Variants in GPHN observed in about 807,000 individuals in gnomAD.
GPHN encodes gephyrin.
In GPHN, 17 loss-of-function variants were observed where a neutral mutation model predicts 95.5. The ratio of observed to expected loss-of-function variants is 0.18; its 90% CI spans 0.12 to 0.27. The LOEUF is 0.27. Among genes scored for constraint, GPHN ranks in the 10% least tolerant of loss-of-function variants. The pLI, the probability that GPHN is intolerant of heterozygous loss-of-function variation, is 1.00. For synonymous variants in GPHN, 320 were observed against 322.5 expected, an observed-to-expected ratio of 0.99 and a Z score of 0.08; for missense variants, 660 against 978.1, an observed-to-expected ratio of 0.67 and a Z score of 4.34.
At chr14:67,657,748 TTTC>T in the GPHN span, among the ~76,000 whole-genome samples, 1 of 125,484 alleles carries the variant, frequency 8.0e-6, no homozygotes, top group African/African-American at 3.0e-5. Context: ...ATTTTCTTTC[TTTC>T]TTTTTTTTTT....
intron 4 of GPHN, among the ~76,000 whole-genome samples, chr14:66,877,232 T>C (rs1193580118): frequency 6.6e-6 from 1 of 152,172 alleles, no homozygotes; most frequent in Non-Finnish European, 1.5e-5. Context: ...TGATGGAACG[T>C]ATCTCAAAAT....
chr14:67,001,678 T>C (rs984005757), intron 9 of GPHN, among the ~76,000 whole-genome samples: 3 of 151,762 alleles, frequency 2.0e-5, no homozygotes, highest in African/African-American at 4.8e-5. Context: ...AAATGAACTT[T>C]GTTGCCACGT....
At chr14:67,661,022 T>C in the GPHN span, among the ~76,000 whole-genome samples, 4,272 of 152,168 alleles carry the variant, frequency 0.028, 216 homozygotes, top group African/African-American at 0.098. Flanking sequence ...GAGAAAAGGA[T>C]GCAGATGTGC....
At chr14:67,649,511 T>A in the GPHN span, 1 of 152,090 alleles carries the variant, frequency 6.6e-6, no homozygotes, top group African/African-American at 2.4e-5. Context: ...ACATAAGTCA[T>A]GTATATATTT....
chr14:67,582,079 C>A, the GPHN span: 1 of 1,610,232 alleles, frequency 6.2e-7, no homozygotes, highest in South Asian at 1.1e-5. This position sits in a 1 kb window ranked among gnomAD's most constrained non-coding sequence, Gnocchi z 5.0. Context: ...GCTGTACTTT[C>A]GCAGTCAAGT....
the GPHN span, among the ~76,000 whole-genome samples, chr14:67,210,457 A>G: frequency 6.6e-6 from 1 of 152,188 alleles, no homozygotes; most frequent in Non-Finnish European, 1.5e-5. Flanking sequence ...AAAAAAGAAA[A>G]GAGCTATGTT....
At chr14:67,354,048 G>C in the GPHN span, 1 of 151,560 alleles carries the variant, frequency 6.6e-6, no homozygotes, top group Non-Finnish European at 1.5e-5. Context: ...CAGCAAGAAG[G>C]CCCTCACCCT....
chr14:67,094,626 T>C (rs72715363), intron 12 of GPHN, among the ~76,000 whole-genome samples: 7,865 of 152,180 alleles, frequency 0.052, 227 homozygotes, highest in Middle Eastern at 0.068. Context: ...CTACCTAAAC[T>C]TGTAGAATTC....
the GPHN span, chr14:67,384,364 G>GT: frequency 7.2e-6 from 1 of 138,978 alleles, no homozygotes; most frequent in Non-Finnish European, 1.5e-5. Context: ...AACACTTACT[G>GT]TTGTTTTTTT....
chr14:67,387,247 A>T, the GPHN span: 4 of 1,386,546 alleles, frequency 2.9e-6, no homozygotes, highest in South Asian at 2.7e-5. Context: ...AGAAGTCAAA[A>T]GTCTTAACAC....
chr14:67,431,795 G>C, the GPHN span, among the ~76,000 whole-genome samples: 2 of 152,194 alleles, frequency 1.3e-5, no homozygotes, highest in Non-Finnish European at 2.9e-5. Context: ...AAACTGGGGT[G>C]GGGGAAGGGA....
chr14:67,319,543 A>G, the GPHN span, among the ~76,000 whole-genome samples: 1 of 152,034 alleles, frequency 6.6e-6, no homozygotes, highest in East Asian at 1.9e-4. Flanking sequence ...TCCCTGGGCC[A>G]CATTAGAAGA....
At chr14:66,989,823 AT>A (rs1234802427) in intron 9 of GPHN, among the ~76,000 whole-genome samples, 1 of 152,160 alleles carries the variant, frequency 6.6e-6, no homozygotes, top group African/African-American at 2.4e-5. Context: ...TTAAAAATTG[AT>A]GCTAAAAAGA....
At chr14:67,318,357 T>C in the GPHN span, among the ~76,000 whole-genome samples, 1 of 152,218 alleles carries the variant, frequency 6.6e-6, no homozygotes, top group Non-Finnish European at 1.5e-5. Context: ...TAATGCTAAT[T>C]GACAGATTAT....
chr14:67,427,057 G>C, the GPHN span, among the ~76,000 whole-genome samples: 1 of 151,948 alleles, frequency 6.6e-6, no homozygotes, highest in Admixed American at 6.6e-5. Flanking sequence ...GAGGTAGCTA[G>C]AGTGTATTGT....
chr14:67,480,671 T>C, the GPHN span, among the ~76,000 whole-genome samples: 9 of 152,254 alleles, frequency 5.9e-5, no homozygotes, highest in Admixed American at 5.2e-4. Flanking sequence ...CGTATCCCCC[T>C]GGCTCTTCCA....
At chr14:67,188,628 A>G in the GPHN span, among the ~76,000 whole-genome samples, 360 of 152,308 alleles carry the variant, frequency 2.4e-3, 3 homozygotes, top group African/African-American at 8.2e-3. Context: ...TCAACATAGA[A>G]TAGGCGAAAC....
At chr14:67,395,131 C>T in the GPHN span, among the ~76,000 whole-genome samples, 4 of 152,288 alleles carry the variant, frequency 2.6e-5, no homozygotes, top group South Asian at 8.3e-4. Flanking sequence ...AGCACCCTGG[C>T]TGAAATGGAA....
At chr14:66,525,236 G>A (rs1384573804) in intron 1 of GPHN, among the ~76,000 whole-genome samples, 1 of 152,132 alleles carries the variant, frequency 6.6e-6, no homozygotes, top group Non-Finnish European at 1.5e-5. Context: ...TTGCATTTCT[G>A]TAATGACCAG....
Sources: allele counts gnomAD v4.1 joint callset (sites outside exome capture counted in the v4.1 genomes callset), GRCh38; gene constraint gnomAD v4.1.1; non-coding constraint Gnocchi (gnomAD v3.1); transcripts MANE v1.5; gene names NCBI Gene and HGNC (gene_info 2026-07-23, HGNC 2026-07-21).